Variants in CEP112 observed in about 807,000 individuals in gnomAD.
CEP112 encodes the protein centrosomal protein of 112 kDa.
In CEP112, 127 loss-of-function variants were observed where a neutral mutation model predicts 153.0. The observed-to-expected ratio is 0.83, with a 90% confidence interval of 0.72 to 0.96. The LOEUF (loss-of-function observed/expected upper bound fraction) is 0.96, where lower values mean the gene tolerates loss of function less well. Ranked by LOEUF, CEP112 falls within the 40% of genes least tolerant of loss-of-function variation. CEP112 has a pLI of 0.00. For synonymous variants in CEP112, 358 were observed against 374.4 expected, an observed-to-expected ratio of 0.96 and a Z score of 0.51; for missense variants, 1,089 against 1,101.2, an observed-to-expected ratio of 0.99 and a Z score of 0.16.
chr17:65,797,969 G>C (rs766211491), intron 21 of CEP112, among the ~76,000 whole-genome samples: 6 of 152,140 alleles, frequency 3.9e-5, no homozygotes, highest in Non-Finnish European at 7.3e-5. Context: ...GATGCTACTG[G>C]CTAAAGTGGA....
chr17:65,717,274 G>C (rs892402287), intron 23 of CEP112, among the ~76,000 whole-genome samples: 4 of 152,104 alleles, frequency 2.6e-5, no homozygotes, highest in African/African-American at 9.7e-5. Flanking sequence ...AGGCTGTTGT[G>C]GGCCTCACGC....
At chr17:65,816,544 A>C (rs1401953595) in intron 21 of CEP112, among the ~76,000 whole-genome samples, 1 of 151,984 alleles carries the variant, frequency 6.6e-6, no homozygotes, top group Non-Finnish European at 1.5e-5. Context: ...TGCTTTTTCT[A>C]CATCTACTGA....
chr17:65,988,736 AG>A (rs1216779054), intron 17 of CEP112, among the ~76,000 whole-genome samples: 16 of 151,882 alleles, frequency 1.1e-4, no homozygotes, highest in African/African-American at 3.6e-4. Context: ...AGGAGAAAAA[AG>A]AAAAAAGAAT....
intron 19 of CEP112, among the ~76,000 whole-genome samples, chr17:65,916,287 G>GTGTGTGTGTGTGTGTGTGTGTGTATGTA (rs138734881): frequency 6.8e-6 from 1 of 147,494 alleles, no homozygotes; most frequent in Non-Finnish European, 1.5e-5. Context: ...GTGTGTGTGT[G>GTGTGTGTGTGTGTGTGTGTGTGTATGTA]TGTGTATGTG....
At chr17:65,981,993 C>T (rs2063244787) in intron 17 of CEP112, among the ~76,000 whole-genome samples, 1 of 152,018 alleles carries the variant, frequency 6.6e-6, no homozygotes, top group Non-Finnish European at 1.5e-5. Flanking sequence ...GTATAACAAC[C>T]TAACGATTTA....
intron 5 of CEP112, 103 bp from the exon 6 acceptor site, chr17:66,129,926 G>C: frequency 3.2e-6 from 2 of 622,448 alleles, no homozygotes; most frequent in Non-Finnish European, 5.3e-6. Context: ...AAGAGATAAA[G>C]GGAAATAAAG....
chr17:65,867,005 GAGA>G (rs965125418), intron 20 of CEP112, among the ~76,000 whole-genome samples: 2 of 151,894 alleles, frequency 1.3e-5, no homozygotes, highest in African/African-American at 2.4e-5. Context: ...GGAGAGACGA[GAGA>G]AGGAGAAGAG....
At chr17:66,158,475 G>A (rs908229934) in intron 4 of CEP112, among the ~76,000 whole-genome samples, 1 of 152,054 alleles carries the variant, frequency 6.6e-6, no homozygotes, top group Non-Finnish European at 1.5e-5. Context: ...AGCCGGGCGT[G>A]GTGGTGGGCG....
chr17:65,965,114 A>G (rs2062361887), intron 17 of CEP112, among the ~76,000 whole-genome samples: 1 of 152,334 alleles, frequency 6.6e-6, no homozygotes, highest in South Asian at 2.1e-4. Flanking sequence ...TTCATTTAAT[A>G]GGATGAATCT....
chr17:65,663,813 G>A (rs1371353161), intron 24 of CEP112, among the ~76,000 whole-genome samples: 4 of 152,132 alleles, frequency 2.6e-5, no homozygotes, highest in Non-Finnish European at 5.9e-5. Context: ...ATACAAGGCC[G>A]AGGCGGGCAG....
At chr17:65,694,208 G>A (rs911154263) in intron 23 of CEP112, among the ~76,000 whole-genome samples, 2 of 152,158 alleles carry the variant, frequency 1.3e-5, no homozygotes, top group African/African-American at 4.8e-5. Flanking sequence ...CTGCCCTTTG[G>A]GTGATGCCCA....
At chr17:65,698,207 A>C (rs1001957473) in intron 23 of CEP112, among the ~76,000 whole-genome samples, 4 of 152,184 alleles carry the variant, frequency 2.6e-5, no homozygotes, top group African/African-American at 9.6e-5. Flanking sequence ...AAAACTTTTT[A>C]GTTGTTGCTG....
rs182208495 is a variant in CEP112 at position 65,887,890 on chromosome 17, T to G, written c.2163+14262A>C. Among the ~76,000 whole-genome samples the G allele has an allele frequency of 5.9e-5, 9 of 152,304 alleles. No homozygotes were observed. In the East Asian group the frequency reaches 1.7e-3, roughly 29 times the overall value. On this transcript the variant is annotated intron_variant, in intron 20 of 26. Transcript: ENST00000535342. ...GTGTTTCCTCTTTCAGGTCTCTATG[T>G]GACTATAGTTTTGTATCACTAACAC...
intron 20 of CEP112, among the ~76,000 whole-genome samples, chr17:65,869,679 A>G (rs915683603): frequency 6.8e-6 from 1 of 147,792 alleles, no homozygotes; most frequent in Non-Finnish European, 1.5e-5. Flanking sequence ...TCCTGGGTTC[A>G]CCCCATTCTC....
At chr17:65,691,908 T>C (rs2048122032) in intron 23 of CEP112, among the ~76,000 whole-genome samples, 3 of 152,230 alleles carry the variant, frequency 2.0e-5, no homozygotes, top group Non-Finnish European at 4.4e-5. Flanking sequence ...GTTCCCTGAC[T>C]GAAATGCTTA....
intron 21 of CEP112, among the ~76,000 whole-genome samples, chr17:65,821,514 TTATATA>T (rs570389723): frequency 0.077 from 3,867 of 50,128 alleles, 268 homozygotes; most frequent in South Asian, 0.094. Flanking sequence ...ATATATATAA[TTATATA>T]TATATATATA....
At chr17:66,035,131 C>T (rs966690633) in intron 12 of CEP112, among the ~76,000 whole-genome samples, 5 of 150,816 alleles carry the variant, frequency 3.3e-5, no homozygotes, top group East Asian at 3.9e-4. Flanking sequence ...TGTGCCACCA[C>T]GCCCAGCCTG....
At chr17:66,071,157 CAT>C (rs1412116150) in intron 8 of CEP112, among the ~76,000 whole-genome samples, 2 of 151,988 alleles carry the variant, frequency 1.3e-5, no homozygotes, top group Non-Finnish European at 2.9e-5. Context: ...GCAAGATAAA[CAT>C]ATATATCATA....
intron 4 of CEP112, among the ~76,000 whole-genome samples, chr17:66,138,000 A>C (rs1321451733): frequency 6.6e-6 from 1 of 152,180 alleles, no homozygotes; most frequent in African/African-American, 2.4e-5. Flanking sequence ...AATAACTATA[A>C]CAGTTACTGA....
Sources: allele counts gnomAD v4.1 joint callset (sites outside exome capture counted in the v4.1 genomes callset), GRCh38; gene constraint gnomAD v4.1.1; transcripts MANE v1.5; gene names NCBI Gene and HGNC (gene_info 2026-07-23, HGNC 2026-07-21).